HEXB: variants seen among roughly 807,000 people sequenced by gnomAD.
HEXB encodes beta-hexosaminidase subunit beta.
A neutral mutation model predicts 71.2 loss-of-function variants in HEXB; 51 were observed. The ratio of observed to expected loss-of-function variants is 0.72; its 90% CI spans 0.57 to 0.90. The LOEUF is 0.90. HEXB is among the 40% of genes least tolerant of loss of function. The pLI is 0.00. For missense variants in HEXB, 617 were observed against 677.0 expected, an observed-to-expected ratio of 0.91 and a Z score of 0.98; for synonymous variants, 266 against 249.3, an observed-to-expected ratio of 1.07 and a Z score of -0.63.
At chr5:74,682,708 G>C (rs1748761567), upstream of HEXB, among the ~76,000 whole-genome samples, 1 of 152,140 alleles carries the variant, frequency 6.6e-6, no homozygotes, top group Admixed American at 6.5e-5. Context: ...CAGTAAAGAT[G>C]GATATTGCAA....
Position 74,657,483 on chromosome 5 carries a change from T to A in HEXB, c.-377+16925T>A, listed in dbSNP as rs4704155. 7.2e-3 allele frequency among the ~76,000 whole-genome samples: 1,090 copies of A among 152,082 alleles called. 12 individuals are homozygous for A. The highest frequency in any genetic ancestry group is 0.011 in the Non-Finnish European group (720 of 67,990). On this transcript the variant is annotated intron_variant, in intron 1 of 13. Coordinates refer to the HEXB transcript ENST00000511181. ...CTTGCTCTCCATCCCTTCACCCTGC[T>A]GGATTTTCCTTCGGAGCACTTATCA...
chr5:74,710,180 C>A (rs1749504945), intron 6 of HEXB, among the ~76,000 whole-genome samples: 1 of 152,086 alleles, frequency 6.6e-6, no homozygotes, highest in African/African-American at 2.4e-5. Context: ...GAACCAAAGA[C>A]AAAAACCACA....
intron 5 of HEXB, among the ~76,000 whole-genome samples, chr5:74,697,655 C>A (rs768064968): frequency 7.0e-6 from 1 of 143,342 alleles, no homozygotes; most frequent in East Asian, 2.1e-4. Flanking sequence ...GAACCCTCCC[C>A]GGGTGGAGGT....
At chr5:74,719,825 C>G (rs2112183290) in intron 11 of HEXB, among the ~76,000 whole-genome samples, 1 of 151,718 alleles carries the variant, frequency 6.6e-6, no homozygotes, top group Non-Finnish European at 1.5e-5. Context: ...ACCTGTAATC[C>G]CAGCTATTCG....
chr5:74,697,135 G>A (rs748158746), intron 5 of HEXB, 29 bp downstream of exon 5: 2 of 1,025,846 alleles, frequency 1.9e-6, no homozygotes, highest in Non-Finnish European at 3.1e-6. Context: ...CTAATCTGTT[G>A]TCTATTCTGA....
chr5:74,700,684 T>C (rs1032276822), intron 5 of HEXB, among the ~76,000 whole-genome samples: 4 of 152,140 alleles, frequency 2.6e-5, no homozygotes, highest in South Asian at 2.1e-4. Flanking sequence ...GTGTTTATAA[T>C]GCCTGTAGAC....
At chr5:74,657,732 A>T (rs1748247532) in intron 1 of HEXB, among the ~76,000 whole-genome samples, 1 of 152,220 alleles carries the variant, frequency 6.6e-6, no homozygotes, top group Non-Finnish European at 1.5e-5. Flanking sequence ...GACGCTTGTT[A>T]TTTGTGTAGT....
At chr5:74,711,661 C>T (rs1465466249) in intron 6 of HEXB, among the ~76,000 whole-genome samples, 7 of 151,970 alleles carry the variant, frequency 4.6e-5, no homozygotes, top group Non-Finnish European at 1.0e-4. Flanking sequence ...GACATTTATG[C>T]AGACAAAAAA....
intron 1 of HEXB, among the ~76,000 whole-genome samples, chr5:74,666,658 G>A (rs1185884036): frequency 6.6e-6 from 1 of 152,196 alleles, no homozygotes; most frequent in African/African-American, 2.4e-5. Context: ...AGCAGAGCTG[G>A]CCTTGGCAGC....
chr5:74,654,030 G>A (rs1227303432), intron 1 of HEXB, among the ~76,000 whole-genome samples: 1 of 152,060 alleles, frequency 6.6e-6, no homozygotes, highest in African/African-American at 2.4e-5. Flanking sequence ...GGGGCTCCAG[G>A]TGTAGACAGT....
chr5:74,648,990 T>C (rs1006134780), intron 1 of HEXB, among the ~76,000 whole-genome samples: 2 of 152,146 alleles, frequency 1.3e-5, no homozygotes, highest in Non-Finnish European at 2.9e-5. Context: ...CTCTTCTGGC[T>C]ACAATGAAAA....
intron 1 of HEXB, among the ~76,000 whole-genome samples, chr5:74,668,660 C>T (rs1008902408): frequency 1.3e-5 from 2 of 152,142 alleles, no homozygotes; most frequent in Non-Finnish European, 1.5e-5. Flanking sequence ...CTTTTATTAG[C>T]CCCCAGGGAC....
At chr5:74,695,839 T>TAAAAAAAAAA (rs34022383) in intron 3 of HEXB, among the ~76,000 whole-genome samples, 1 of 132,934 alleles carries the variant, frequency 7.5e-6, no homozygotes, top group Admixed American at 7.7e-5. Flanking sequence ...AGACTCCGTC[T>TAAAAAAAAAA]AAAAAAAAAA....
rs1009786916 is a variant in HEXB, at chr5:74,696,503, T to A, written c.512-190T>A. Among the ~76,000 whole-genome samples the A allele has an allele frequency of 4.6e-5, 7 of 152,198 alleles. 1 individual carries two copies. The highest frequency in any genetic ancestry group is 1.0e-4 in the Non-Finnish European group (7 of 68,022). On this transcript the variant is annotated intron_variant, in intron 3 of 13. Transcript: ENST00000261416. Reference sequence around the variant, plus strand: ...TAGAGAAGTGCAATGGATTTTTTTTTAATTTGGCTTTGATTTTAGAAATTA... The same window carrying A: ...TAGAGAAGTGCAATGGATTTTTTTTAAATTTGGCTTTGATTTTAGAAATTA...
chr5:74,681,026 T>C (rs1392068309), upstream of HEXB, among the ~76,000 whole-genome samples: 1 of 152,230 alleles, frequency 6.6e-6, no homozygotes, highest in African/African-American at 2.4e-5. Flanking sequence ...TTCCATGCGT[T>C]AGCTTTAATT....
At chr5:74,678,278 A>G (rs948837112) in intron 1 of HEXB, among the ~76,000 whole-genome samples, 13 of 151,626 alleles carry the variant, frequency 8.6e-5, no homozygotes, top group Admixed American at 2.6e-4. Flanking sequence ...AGCCTGGGCA[A>G]CAAGAGTGAA....
Position 74,688,818 on chromosome 5 carries a change from G to A in HEXB, c.300-510G>A, listed in dbSNP as rs576058798. ...TGTCCAAAAGTAGGGATGAATTTAG[G>A]GCAAGTTGACCAAGTGGCTCAACAG... On this transcript the variant is annotated intron_variant, in intron 1 of 13. Coordinates refer to ENST00000261416, the MANE Select transcript of HEXB (RefSeq NM_000521.4). Among the ~76,000 whole-genome samples the A allele has an allele frequency of 2.6e-5, 4 of 152,258 alleles. No individual in the cohort carries two copies. In the East Asian group the frequency reaches 5.8e-4, roughly 22 times the overall value.
chr5:74,656,821 A>G (rs1198359332), intron 1 of HEXB, among the ~76,000 whole-genome samples: 1 of 152,162 alleles, frequency 6.6e-6, no homozygotes, highest in East Asian at 1.9e-4. Context: ...CATGTTGCCC[A>G]GGCTGGTCTT....
chr5:74,712,353 C>T lies in HEXB; in HGVS notation c.772-1153C>T, dbSNP rs887641838. Reference sequence around the variant, plus strand: ...CTAGATGACGAGTTAGTGGGTGCAGCGCACCAGCATGGCACATGTATACAT... The same window carrying T: ...CTAGATGACGAGTTAGTGGGTGCAGTGCACCAGCATGGCACATGTATACAT... On this transcript the variant is annotated intron_variant, in intron 6 of 13. Coordinates refer to ENST00000261416, the MANE Select transcript of HEXB (RefSeq NM_000521.4). 5.3e-5 allele frequency among the ~76,000 whole-genome samples: 8 copies of T among 150,344 alleles called. No homozygotes were observed. The East Asian group carries it at 9.8e-4, about 18-fold the overall frequency.
Sources: allele counts gnomAD v4.1 joint callset (sites outside exome capture counted in the v4.1 genomes callset), GRCh38; gene constraint gnomAD v4.1.1; transcripts MANE v1.5; gene names NCBI Gene and HGNC (gene_info 2026-07-23, HGNC 2026-07-21).